The following HCRTR2 variants were observed in gnomAD, a reference collection of about 807,000 sequenced individuals.
The protein encoded by HCRTR2 is hypocretin receptor 2.
Under a neutral mutation model 49.0 loss-of-function variants are expected in HCRTR2, and 22 were observed. The ratio of observed to expected loss-of-function variants is 0.45; its 90% CI spans 0.32 to 0.64. The LOEUF (loss-of-function observed/expected upper bound fraction) is 0.64. Ranked by LOEUF, HCRTR2 falls within the 30% of genes least tolerant of loss-of-function variation. The pLI is 0.04. For missense variants in HCRTR2, 491 were observed against 559.4 expected (o/e 0.88, Z 1.23); for synonymous variants, 236 against 205.3 (o/e 1.15, Z -1.28).
intron 1 of HCRTR2, among the ~76,000 whole-genome samples, chr6:55,107,829 T>C (rs904867478): frequency 4.6e-5 from 7 of 152,144 alleles, no homozygotes; most frequent in Non-Finnish European, 8.8e-5. Flanking sequence ...TTATATCATT[T>C]TCTGTTTTAC....
rs377577062 is a variant in HCRTR2 at position 55,245,467 on chromosome 6, TTTTATATATATATATATA to T, written c.224-3170_224-3153del. ...TATACACATAGAATACATAGGAAGA[TTTTATATATATATATATA>T]TATATATATATATATATATATCTTC... is the stretch of plus-strand genomic sequence containing the variant. On this transcript the variant is annotated intron_variant, in intron 1 of 6. Coordinates refer to ENST00000370862, the MANE Select transcript of HCRTR2 (RefSeq NM_001384272.1). 3.4e-3 allele frequency among the ~76,000 whole-genome samples: 340 copies of T among 101,378 alleles called. 13 individuals are homozygous for T. The highest frequency in any genetic ancestry group is 0.014 in the African/African-American group (322 of 22,832). The allele number at this position is 101,378 out of a possible 152,430, so 66.5% of individuals were successfully genotyped here.
At chr6:55,110,558 A>G (rs528802338) in intron 1 of HCRTR2, among the ~76,000 whole-genome samples, 1 of 152,192 alleles carries the variant, frequency 6.6e-6, no homozygotes, top group South Asian at 2.1e-4. Context: ...TGGACACCAA[A>G]AGCAAGTAGG....
chr6:55,183,411 A>T (rs1262412048), intron 1 of HCRTR2, among the ~76,000 whole-genome samples: 1 of 152,222 alleles, frequency 6.6e-6, no homozygotes, highest in Non-Finnish European at 1.5e-5. Context: ...GTGTTAGGCA[A>T]TTGGGTAAGT....
chr6:55,193,694 C>T (rs1341010074), intron 1 of HCRTR2, among the ~76,000 whole-genome samples: 2 of 151,996 alleles, frequency 1.3e-5, no homozygotes, highest in Non-Finnish European at 2.9e-5. Flanking sequence ...CCACATTTCT[C>T]ATAAAATACA....
chr6:55,172,680 G>A (rs543918098), upstream of HCRTR2, among the ~76,000 whole-genome samples: 8 of 152,034 alleles, frequency 5.3e-5, no homozygotes, highest in East Asian at 1.9e-4. Context: ...TTTATCTTTC[G>A]TAAATCATCT....
chr6:55,224,902 A>T (rs571023718), intron 1 of HCRTR2, among the ~76,000 whole-genome samples: 1 of 152,308 alleles, frequency 6.6e-6, no homozygotes, highest in Non-Finnish European at 1.5e-5. Context: ...AAAAAATTTC[A>T]GTTAAAGAGG....
chr6:55,231,666 A>G (rs1415293706), intron 1 of HCRTR2, among the ~76,000 whole-genome samples: 1 of 152,166 alleles, frequency 6.6e-6, no homozygotes, highest in Non-Finnish European at 1.5e-5. Context: ...ATAAAAAGAA[A>G]TTGACTTACT....
chr6:55,129,971 T>A, intron 1 of HCRTR2, among the ~76,000 whole-genome samples: 1 of 152,062 alleles, frequency 6.6e-6, no homozygotes, highest in Non-Finnish European at 1.5e-5. Flanking sequence ...ACGTGTATTT[T>A]CCTGGACCCA....
At chr6:55,216,920 T>C (rs1765797792) in intron 1 of HCRTR2, among the ~76,000 whole-genome samples, 1 of 152,166 alleles carries the variant, frequency 6.6e-6, no homozygotes, top group Non-Finnish European at 1.5e-5. Context: ...TCCTCTGAAG[T>C]CTAGGTGAAG....
chr6:55,165,647 T>C (rs1252884453), intron 1 of HCRTR2, among the ~76,000 whole-genome samples: 1 of 151,130 alleles, frequency 6.6e-6, no homozygotes, highest in African/African-American at 2.4e-5. Flanking sequence ...TAAAACTTTT[T>C]TGCATCGTAG....
chr6:55,151,054 T>G (rs1764658398), intron 1 of HCRTR2, among the ~76,000 whole-genome samples: 1 of 152,072 alleles, frequency 6.6e-6, no homozygotes, highest in African/African-American at 2.4e-5. Flanking sequence ...ACTAAAACAA[T>G]GCTAACAATC....
chr6:55,181,930 A>T (rs73743287), intron 1 of HCRTR2, among the ~76,000 whole-genome samples: 1,899 of 152,352 alleles, frequency 0.012, 41 homozygotes, highest in African/African-American at 0.043. Flanking sequence ...GTTTATTCTT[A>T]CAAGTCCTTA....
chr6:55,154,680 A>G (rs1014750194), intron 1 of HCRTR2, among the ~76,000 whole-genome samples: 1 of 140,592 alleles, frequency 7.1e-6, no homozygotes, highest in Non-Finnish European at 1.6e-5. Context: ...TTGGGCAAAA[A>G]TAAATAAATA....
chr6:55,273,612 C>A (rs1767016156), intron 4 of HCRTR2, among the ~76,000 whole-genome samples: 1 of 152,000 alleles, frequency 6.6e-6, no homozygotes, highest in African/African-American at 2.4e-5. Context: ...TGAAAGTTAC[C>A]AATGATTTCT....
chr6:55,174,271 G>C (rs199932130), upstream of HCRTR2: 62 of 422,330 alleles, frequency 1.5e-4, no homozygotes, highest in Admixed American at 2.8e-4. Flanking sequence ...CTGGAATGAG[G>C]AGTAATTGAG....
intron 1 of HCRTR2, among the ~76,000 whole-genome samples, chr6:55,175,187 T>C (rs991958726): frequency 2.0e-5 from 3 of 151,704 alleles, no homozygotes; most frequent in South Asian, 4.2e-4. Context: ...GGCTGGGTGT[T>C]TCAGGGGGGT....
At chr6:55,219,821 AAGAG>A (rs1421000666) in intron 1 of HCRTR2, among the ~76,000 whole-genome samples, 1 of 151,956 alleles carries the variant, frequency 6.6e-6, no homozygotes, top group Admixed American at 6.5e-5. Context: ...ACTAAGAAAA[AAGAG>A]AGAAGACTCA....
At chr6:55,280,188 G>GATTTTTTTTGTGGCCT (rs1767161362) in intron 5 of HCRTR2, 135 bp from the exon 6 acceptor site, 1 of 649,120 alleles carries the variant, frequency 1.5e-6, no homozygotes, top group African/African-American at 1.8e-5. Flanking sequence ...AACCAATTAT[G>GATTTTTTTTGTGGCCT]GGGTCAGAAA....
intron 1 of HCRTR2, among the ~76,000 whole-genome samples, chr6:55,219,977 C>A (rs968314489): frequency 6.6e-6 from 1 of 151,990 alleles, no homozygotes; most frequent in Admixed American, 6.6e-5. Context: ...AATACACAAC[C>A]TACCAAGACT....
Sources: allele counts gnomAD v4.1 joint callset (sites outside exome capture counted in the v4.1 genomes callset), GRCh38; gene constraint gnomAD v4.1.1; transcripts MANE v1.5; gene names NCBI Gene and HGNC (gene_info 2026-07-23, HGNC 2026-07-21).